Variants in SLIT3 observed in about 807,000 individuals in gnomAD.
The protein encoded by SLIT3 is slit guidance ligand 3.
In SLIT3, 68 loss-of-function variants were observed where a neutral mutation model predicts 184.0. The observed-to-expected ratio is 0.37, with a 90% CI of 0.30 to 0.45. SLIT3 has a LOEUF of 0.45. Among genes scored for constraint, SLIT3 ranks in the 20% least tolerant of loss-of-function variants. The pLI, the probability that SLIT3 is intolerant of heterozygous loss-of-function variation, is 1.00. For synonymous variants in SLIT3, 831 were observed against 828.6 expected (o/e 1.00, Z -0.05); for missense variants, 1,707 against 2,026.0 (o/e 0.84, Z 3.02).
chr5:168,974,097 C>A (rs185993385), intron 4 of SLIT3, among the ~76,000 whole-genome samples: 1 of 152,250 alleles, frequency 6.6e-6, no homozygotes, highest in Non-Finnish European at 1.5e-5. Context: ...TCTACCTACC[C>A]ATCTAAATAT....
At chr5:169,054,733 C>T (rs892222625) in intron 4 of SLIT3, among the ~76,000 whole-genome samples, 6 of 152,230 alleles carry the variant, frequency 3.9e-5, no homozygotes, top group Admixed American at 3.9e-4. Context: ...CGTCTGCCAG[C>T]CTCTCTTGGG....
At chr5:169,013,799 A>C (rs556505569) in intron 4 of SLIT3, among the ~76,000 whole-genome samples, 11 of 152,258 alleles carry the variant, frequency 7.2e-5, no homozygotes, top group African/African-American at 2.6e-4. Context: ...CCAAACCTAC[A>C]GTTACTTACC....
chr5:169,120,994 A>G (rs1760853856), intron 4 of SLIT3, among the ~76,000 whole-genome samples: 4 of 152,140 alleles, frequency 2.6e-5, no homozygotes, highest in African/African-American at 9.7e-5. Context: ...TACTCACTAC[A>G]TGGAACATAC....
At chr5:168,940,464 A>T (rs1185295428) in intron 4 of SLIT3, among the ~76,000 whole-genome samples, 1 of 152,210 alleles carries the variant, frequency 6.6e-6, no homozygotes, top group East Asian at 1.9e-4. Context: ...GAAGAAAAAA[A>T]ACTAAATCTC....
rs1310720983 is a variant in SLIT3 at position 169,132,331 on chromosome 5, A to T, written c.413+61148T>A. 3.9e-5 allele frequency among the ~76,000 whole-genome samples: 6 copies of T among 152,310 alleles called. No individual in the cohort carries two copies. In the East Asian group the frequency reaches 1.2e-3, roughly 29 times the overall value. ...AAGGGCCTGAAAGAGAGGAAAAAGAAGGCATGCCAAGTCTGTATTTACACA... is the reference window on the plus strand; with the variant it reads ...AAGGGCCTGAAAGAGAGGAAAAAGATGGCATGCCAAGTCTGTATTTACACA... On this transcript the variant is annotated intron_variant, in intron 4 of 35. Transcript: ENST00000519560.
At chr5:168,686,920 C>T (rs1427227015) in intron 30 of SLIT3, 59 bp downstream of exon 30, 22 of 1,592,998 alleles carry the variant, frequency 1.4e-5, no homozygotes, top group South Asian at 5.6e-5. Flanking sequence ...AGCCAGTCAG[C>T]CCCAGCCCCT....
intron 4 of SLIT3, among the ~76,000 whole-genome samples, chr5:169,075,856 TTGTC>T (rs1018032011): frequency 8.5e-5 from 13 of 152,374 alleles, no homozygotes; most frequent in African/African-American, 2.4e-4. Flanking sequence ...TCTACATAGT[TTGTC>T]TGTCTGTCTA....
intron 4 of SLIT3, among the ~76,000 whole-genome samples, chr5:169,175,264 T>C (rs1466110554): frequency 6.6e-6 from 1 of 152,236 alleles, no homozygotes; most frequent in African/African-American, 2.4e-5. Context: ...TATATCCATT[T>C]ACACAGTGAA....
At position 169,006,575 on chromosome 5, in the gene SLIT3, CT is replaced by C. The variant is rs201250757; in HGVS notation, c.414-123240del. On this transcript the variant is annotated intron_variant, in intron 4 of 35. Coordinates refer to ENST00000519560, the MANE Select transcript of SLIT3 (RefSeq NM_003062.4). ...TTAAAGATTTTCTCTCTCTTTCCCC[CT>C]CTTCTCTCTCTCTCTCTCTCTCTCT... is the stretch of plus-strand genomic sequence containing the variant. Among the ~76,000 whole-genome samples the C allele has an allele frequency of 8.3e-4, 114 of 136,626 alleles. 2 individuals carry two copies. In the East Asian group the frequency reaches 0.019, roughly 23 times the overall value. The allele number at this position is 136,626 out of a possible 152,430, so 89.6% of individuals were successfully genotyped here.
At chr5:168,918,096 T>C (rs567471660) in intron 4 of SLIT3, among the ~76,000 whole-genome samples, 94 of 152,234 alleles carry the variant, frequency 6.2e-4, no homozygotes, top group South Asian at 1.9e-3. Flanking sequence ...CCTTTTTTTT[T>C]CCCAACATCC....
chr5:169,156,172 TCTC>T (rs1346043024), intron 4 of SLIT3, among the ~76,000 whole-genome samples: 1 of 152,164 alleles, frequency 6.6e-6, no homozygotes, highest in East Asian at 1.9e-4. Flanking sequence ...CCCAGGTCAT[TCTC>T]CTAACTGGTA....
intron 4 of SLIT3, among the ~76,000 whole-genome samples, chr5:169,143,643 T>C (rs10036857): frequency 3.9e-4 from 59 of 152,150 alleles, no homozygotes; most frequent in African/African-American, 1.3e-3. Context: ...TACTAAAAAA[T>C]ACAAAAAATT....
At chr5:169,273,343 G>A (rs1429106354) in intron 1 of SLIT3, among the ~76,000 whole-genome samples, 1 of 152,200 alleles carries the variant, frequency 6.6e-6, no homozygotes, top group Non-Finnish European at 1.5e-5. Flanking sequence ...CAGAGAGAGA[G>A]ATGATCACTC....
chr5:169,076,641 A>C (rs1280818067), intron 4 of SLIT3, among the ~76,000 whole-genome samples: 3 of 152,194 alleles, frequency 2.0e-5, no homozygotes, highest in Non-Finnish European at 4.4e-5. Flanking sequence ...ATTTGTCTTG[A>C]GAGCCTGAGA....
chr5:169,271,227 G>A (rs1310661343), intron 1 of SLIT3, among the ~76,000 whole-genome samples: 1 of 152,140 alleles, frequency 6.6e-6, no homozygotes, highest in Non-Finnish European at 1.5e-5. Flanking sequence ...TTATTGCCAT[G>A]TCATGTGCTA....
intron 4 of SLIT3, among the ~76,000 whole-genome samples, chr5:169,063,312 C>T (rs1177661354): frequency 1.3e-5 from 2 of 152,190 alleles, no homozygotes; most frequent in Non-Finnish European, 2.9e-5. Context: ...CCCTTGATAG[C>T]CATGAGACCC....
chr5:169,114,560 T>G (rs1760577262), intron 4 of SLIT3, among the ~76,000 whole-genome samples: 1 of 152,220 alleles, frequency 6.6e-6, no homozygotes, highest in South Asian at 2.1e-4. Context: ...TGGGAGTCCA[T>G]GAAGCTGAGC....
At chr5:168,757,583 G>C (rs1754995291) in intron 16 of SLIT3, among the ~76,000 whole-genome samples, 1 of 152,150 alleles carries the variant, frequency 6.6e-6, no homozygotes, top group Non-Finnish European at 1.5e-5. Flanking sequence ...ACAGGCGCCT[G>C]CCATTGCGCC....
intron 27 of SLIT3, among the ~76,000 whole-genome samples, chr5:168,697,973 G>T (rs1344553130): frequency 1.3e-5 from 2 of 152,184 alleles, no homozygotes; most frequent in East Asian, 3.9e-4. Context: ...GGAGTGACAG[G>T]GTGGAAGGAG....
Sources: allele counts gnomAD v4.1 joint callset (sites outside exome capture counted in the v4.1 genomes callset), GRCh38; gene constraint gnomAD v4.1.1; transcripts MANE v1.5; gene names NCBI Gene and HGNC (gene_info 2026-07-23, HGNC 2026-07-21).